PCGF3: variants seen among roughly 807,000 people sequenced by gnomAD.
PCGF3 encodes the protein polycomb group ring finger 3.
In PCGF3, 7 loss-of-function variants were observed where a neutral mutation model predicts 33.1. That is an observed-to-expected ratio of 0.21 (90% CI 0.12 to 0.40). PCGF3 has a LOEUF of 0.40. Ranked by LOEUF, PCGF3 falls within the 10% of genes least tolerant of loss-of-function variation. The pLI is 1.00. For missense variants in PCGF3, 211 were observed against 313.3 expected (o/e 0.67, Z 2.46); for synonymous variants, 153 against 121.3 (o/e 1.26, Z -1.72).
chr4:743,266 G>A (rs574383075), intron 6 of PCGF3, among the ~76,000 whole-genome samples: 4 of 152,356 alleles, frequency 2.6e-5, no homozygotes, highest in Admixed American at 6.5e-5. Context: ...AACGTCCCAC[G>A]TGGGTTGGTG....
intron 9 of PCGF3, chr4:762,768 C>T (rs911438199): frequency 1.6e-4 from 25 of 152,234 alleles, no homozygotes; most frequent in Non-Finnish European, 3.2e-4. Context: ...CTGTTATGGA[C>T]TCTGGAACTG....
intron 3 of PCGF3, 157 bp downstream of exon 3, chr4:731,267 A>G: frequency 2.5e-6 from 1 of 398,218 alleles, no homozygotes; most frequent in Non-Finnish European, 4.4e-6. Context: ...CCCTCCTGTG[A>G]GAGTCCAAGG....
intron 7 of PCGF3, among the ~76,000 whole-genome samples, chr4:744,244 A>G (rs557640013): frequency 2.6e-5 from 4 of 152,344 alleles, no homozygotes; most frequent in Non-Finnish European, 4.4e-5. Context: ...GTGGATTTTT[A>G]GGAGAAGGCT....
chr4:730,356 T>TG (rs1177730833), intron 1 of PCGF3, among the ~76,000 whole-genome samples: 2 of 152,048 alleles, frequency 1.3e-5, no homozygotes, highest in East Asian at 1.9e-4. Context: ...AACAGCATGA[T>TG]GGGGCCCCCA....
chr4:761,478 C>A (rs1745054067), intron 9 of PCGF3, 62 bp downstream of exon 9: 1 of 1,475,404 alleles, frequency 6.8e-7, no homozygotes, highest in South Asian at 1.3e-5. Flanking sequence ...AAGGTAACTC[C>A]AAGATTCTTT....
At chr4:735,328 C>T (rs1743780342) in intron 5 of PCGF3, among the ~76,000 whole-genome samples, 1 of 152,222 alleles carries the variant, frequency 6.6e-6, no homozygotes, top group Non-Finnish European at 1.5e-5. Flanking sequence ...AGGCAGATCA[C>T]CTGAGGTCAG....
chr4:764,688 T>C lies in PCGF3; in HGVS notation c.601-296T>C. 6.2e-6 allele frequency: 2 copies of C among 321,894 alleles called. 1 individual carries two copies. Among genetic ancestry groups the C allele is most frequent in the South Asian group, 8.1e-5 (2 of 24,828 alleles). 19.9% of individuals were successfully genotyped at this position (321,894 alleles called of 1,614,324 possible). A position where few individuals can be genotyped will look rare whatever the true frequency, so the allele number is the denominator to read the frequency against. On this transcript the variant is annotated intron_variant, in intron 9 of 10. Coordinates refer to ENST00000362003, the Ensembl canonical transcript of PCGF3. ...GGAGCCCACCACTGCAAGGAGCTTG[T>C]GCCTGCGCCTGCACCCCCTGCAGAA...
intron 1 of PCGF3, among the ~76,000 whole-genome samples, chr4:711,437 A>ATTTTTCTTTTT (rs1439795908): frequency 3.7e-5 from 5 of 134,038 alleles, no homozygotes; most frequent in African/African-American, 1.4e-4. Context: ...TGAAAATGTA[A>ATTTTTCTTTTT]TTTTTCTTTT....
intron 6 of PCGF3, among the ~76,000 whole-genome samples, chr4:742,684 GCCT>G (rs1348155045): frequency 6.6e-6 from 1 of 152,198 alleles, no homozygotes; most frequent in Non-Finnish European, 1.5e-5. Context: ...GGAGGGTCAG[GCCT>G]CCTCTGGTCC....
intron 4 of PCGF3, chr4:734,516 G>C: frequency 8.3e-7 from 1 of 1,201,724 alleles, no homozygotes; most frequent in South Asian, 3.1e-5. Context: ...TTAGATATTG[G>C]TTAGCATATT....
At position 750,250 on chromosome 4, in the gene PCGF3, C is replaced by G. The variant is rs552657708; in HGVS notation, c.462+5562C>G. On this transcript the variant is annotated intron_variant, in intron 8 of 10. Coordinates refer to ENST00000362003, the Ensembl canonical transcript of PCGF3. ...TTCCTTTTTAATCGAGAAGTTTGTTCTGAAACATTTGAGTAACGTGGCCTT... is the reference window on the plus strand; with the variant it reads ...TTCCTTTTTAATCGAGAAGTTTGTTGTGAAACATTTGAGTAACGTGGCCTT... Among the ~76,000 whole-genome samples the G allele has an allele frequency of 1.3e-4, 20 of 152,362 alleles. No homozygotes were observed. The East Asian group carries it at 3.7e-3, about 28-fold the overall frequency.
intron 1 of PCGF3, among the ~76,000 whole-genome samples, chr4:727,121 G>A (rs988796309): frequency 3.3e-5 from 5 of 152,090 alleles, no homozygotes; most frequent in African/African-American, 9.7e-5. Flanking sequence ...TTTATCATCC[G>A]CCTTCTGATG....
intron 1 of PCGF3, among the ~76,000 whole-genome samples, chr4:728,638 T>A (rs1016908198): frequency 2.0e-5 from 3 of 152,194 alleles, no homozygotes; most frequent in Non-Finnish European, 4.4e-5. Context: ...AGTAAATAAT[T>A]GACCTGTTTG....
At chr4:756,272 G>T (rs573563243) in intron 8 of PCGF3, among the ~76,000 whole-genome samples, 115 of 151,020 alleles carry the variant, frequency 7.6e-4, no homozygotes, top group Admixed American at 2.2e-3. Context: ...GAGTGTGGGG[G>T]TGCAATCTCG....
chr4:759,983 T>C (rs1005481815), intron 8 of PCGF3, among the ~76,000 whole-genome samples: 1 of 152,110 alleles, frequency 6.6e-6, no homozygotes, highest in Admixed American at 6.5e-5. Context: ...CTCTCCAGAC[T>C]CCCGGATCTT....
rs189060546 is a variant in PCGF3 at position 735,362 on chromosome 4, C to A, written c.206+335C>A. On this transcript the variant is annotated intron_variant, in intron 5 of 10. Coordinates refer to ENST00000362003, the Ensembl canonical transcript of PCGF3. The stretch of plus-strand genomic sequence containing the variant: ...AGGAGTTTGAGACCAGCCTGACCAA[C>A]GTGGAGAAACCCCATCTCTACTAAA... Among the ~76,000 whole-genome samples, 17 of 152,306 alleles carry A rather than the reference C, an allele frequency of 1.1e-4. No individual in the cohort carries two copies. The East Asian group carries it at 3.1e-3, about 28-fold the overall frequency.
At chr4:713,966 T>C (rs1333652123) in intron 1 of PCGF3, among the ~76,000 whole-genome samples, 1 of 151,972 alleles carries the variant, frequency 6.6e-6, no homozygotes, top group Non-Finnish European at 1.5e-5. Context: ...TACAGAAAAA[T>C]GGAGAAAATT....
At chr4:761,494 GT>G in intron 9 of PCGF3, 78 bp downstream of exon 9, 2 of 1,447,570 alleles carry the variant, frequency 1.4e-6, no homozygotes, top group South Asian at 1.4e-5. Context: ...TCTTTGCTTA[GT>G]TTTGTTTTGT....
exon 8 of PCGF3, chr4:744,638 G>C: frequency 6.4e-7 from 1 of 1,562,180 alleles, no homozygotes; most frequent in Non-Finnish European, 8.7e-7. Flanking sequence ...CAAAGAGGCC[G>C]CGGAGGAGAA....
Sources: gnomAD v4.1 joint callset for allele counts (sites outside exome capture counted in the v4.1 genomes callset) on GRCh38, gnomAD v4.1.1 for gene constraint, MANE v1.5 for transcripts, NCBI Gene and HGNC (gene_info 2026-07-23, HGNC 2026-07-21) for gene names.